RGL1: variants seen among roughly 807,000 people sequenced by gnomAD.
The protein encoded by RGL1 is ral guanine nucleotide dissociation stimulator like 1.
In RGL1, 24 loss-of-function variants were observed where a neutral mutation model predicts 95.2. That is an observed-to-expected ratio of 0.25 (90% CI 0.18 to 0.35). The LOEUF (loss-of-function observed/expected upper bound fraction) is 0.35, where lower values mean the gene tolerates loss of function less well. RGL1 is among the 10% of genes least tolerant of loss of function. The pLI, the probability that RGL1 is intolerant of heterozygous loss-of-function variation, is 1.00. For missense variants in RGL1, 715 were observed against 936.3 expected (o/e 0.76, Z 3.08); for synonymous variants, 329 against 344.9 (o/e 0.95, Z 0.51).
At chr1:183,782,464 C>G (rs574907250) in intron 2 of RGL1, among the ~76,000 whole-genome samples, 3 of 152,284 alleles carry the variant, frequency 2.0e-5, no homozygotes. Flanking sequence ...CAGTTAAATG[C>G]TTCTTCATAA....
intron 2 of RGL1, among the ~76,000 whole-genome samples, chr1:183,761,674 T>C (rs1034813500): frequency 4.6e-5 from 7 of 152,240 alleles, no homozygotes; most frequent in Admixed American, 1.3e-4. Context: ...ACCTCTTCTT[T>C]GAAGCTTTGA....
At position 183,916,671 on chromosome 1, in the gene RGL1, C is replaced by A. The variant is rs1668999364; in HGVS notation, c.1974C>A (p.Asp658Glu). The A allele has an allele frequency of 6.2e-7, 1 of 1,613,404 alleles. No individual in the cohort carries two copies. ...DTCIIRISVE[D>E]NNGNMYKSIM... ...GCATAATCCGCATCAGTGTGGAAGA[C>A]AATAACGGCAACATGTACAAGAGCA... The change falls in exon 16 of 18, where the codon GAC becomes GAA. Residue 658 changes from aspartate to glutamate, a missense_variant. Asp to Glu is a conservative substitution (Grantham distance 45, BLOSUM62 2). Transcript: ENST00000360851.
chr1:183,717,711 T>C (rs1436009172), intron 1 of RGL1, among the ~76,000 whole-genome samples: 1 of 152,218 alleles, frequency 6.6e-6, no homozygotes, highest in African/African-American at 2.4e-5. Flanking sequence ...ATTCCGCCCT[T>C]GTGGCTGATA....
intron 1 of RGL1, chr1:183,648,069 T>C (rs150867206): frequency 1.9e-6 from 3 of 1,614,222 alleles, no homozygotes; most frequent in Non-Finnish European, 2.5e-6. Context: ...ATCAGTGAAG[T>C]AAGGTTTTAC....
At chr1:183,798,754 CTA>C (rs747273933) in intron 2 of RGL1, among the ~76,000 whole-genome samples, 10 of 151,552 alleles carry the variant, frequency 6.6e-5, no homozygotes, top group Non-Finnish European at 1.3e-4. Flanking sequence ...TACTCTGCTT[CTA>C]TGAGTTCGAC....
chr1:183,750,011 C>G (rs569957868), intron 2 of RGL1, among the ~76,000 whole-genome samples: 1 of 152,252 alleles, frequency 6.6e-6, no homozygotes, highest in East Asian at 1.9e-4. Flanking sequence ...TCATTTCAAC[C>G]TTGGTGAATC....
At chr1:183,664,919 T>C (rs1651926370) in intron 1 of RGL1, among the ~76,000 whole-genome samples, 2 of 152,246 alleles carry the variant, frequency 1.3e-5, no homozygotes, top group African/African-American at 2.4e-5. Context: ...CAGTACAATG[T>C]TGAAAAGCAG....
chr1:183,830,765 G>C (rs1461328348), intron 2 of RGL1, among the ~76,000 whole-genome samples: 1 of 152,036 alleles, frequency 6.6e-6, no homozygotes, highest in African/African-American at 2.4e-5. Flanking sequence ...AAAAATCTCA[G>C]AACAGTCATT....
chr1:183,768,895 C>G (rs1659133157), intron 2 of RGL1, among the ~76,000 whole-genome samples: 1 of 152,152 alleles, frequency 6.6e-6, no homozygotes, highest in African/African-American at 2.4e-5. Context: ...AGCAAGAATC[C>G]TGAACTGTCA....
intron 2 of RGL1, among the ~76,000 whole-genome samples, chr1:183,768,457 A>C (rs1160936711): frequency 7.2e-6 from 1 of 139,606 alleles, no homozygotes; most frequent in African/African-American, 2.6e-5. Context: ...TAACCTTTAG[A>C]TAACTTTTTT....
chr1:183,904,997 G>T (rs1177858551), intron 13 of RGL1, 26 bp downstream of exon 13: 4 of 1,601,412 alleles, frequency 2.5e-6, no homozygotes, highest in South Asian at 2.3e-5. Context: ...GTTCATCGGG[G>T]TAGAACTGAA....
intron 9 of RGL1, among the ~76,000 whole-genome samples, chr1:183,893,998 G>A (rs1424646495): frequency 1.3e-5 from 2 of 152,210 alleles, no homozygotes; most frequent in East Asian, 1.9e-4. Flanking sequence ...AGGGCAGTAT[G>A]TGCTGATGTC....
chr1:183,901,129 T>C lies in RGL1; in HGVS notation c.1317+893T>C, dbSNP rs540710331. 9.9e-5 allele frequency among the ~76,000 whole-genome samples: 15 copies of C among 151,902 alleles called. No individual in the cohort carries two copies. The East Asian group carries it at 2.9e-3, about 30-fold the overall frequency. On this transcript the variant is annotated intron_variant, in intron 11 of 17. Transcript: ENST00000360851. ...CCCTGGCCAACATGGTGAAACCCCA[T>C]CTCTACTAAAAACACAAAAATCAGC...
intron 1 of RGL1, chr1:183,646,535 A>G (rs1650306535): frequency 1.3e-5 from 2 of 152,338 alleles, no homozygotes; most frequent in Admixed American, 6.5e-5. Context: ...TGAAATAAGC[A>G]TAAGCAAAGT....
At chr1:183,745,673 C>T (rs566226953) in intron 2 of RGL1, among the ~76,000 whole-genome samples, 3 of 152,106 alleles carry the variant, frequency 2.0e-5, no homozygotes, top group East Asian at 1.9e-4. Context: ...AAAAAAGCCC[C>T]GAGTATCCAG....
At chr1:183,645,077 G>A (rs1042901889) in intron 1 of RGL1, among the ~76,000 whole-genome samples, 5 of 152,124 alleles carry the variant, frequency 3.3e-5, no homozygotes, top group Non-Finnish European at 7.4e-5. Flanking sequence ...GAATCTGATA[G>A]CACTAAACAT....
chr1:183,925,363 T>A (rs1348216000), intron 17 of RGL1, among the ~76,000 whole-genome samples: 3 of 152,102 alleles, frequency 2.0e-5, no homozygotes, highest in Admixed American at 6.6e-5. Flanking sequence ...AGGGAGAGCA[T>A]TAGGACAAAT....
At chr1:183,798,361 A>G (rs913579557) in intron 2 of RGL1, among the ~76,000 whole-genome samples, 8 of 152,090 alleles carry the variant, frequency 5.3e-5, no homozygotes, top group African/African-American at 1.9e-4. Context: ...AACTTTATTG[A>G]GGTATGACTG....
intron 1 of RGL1, among the ~76,000 whole-genome samples, chr1:183,650,682 A>T (rs1650678176): frequency 6.7e-6 from 1 of 149,214 alleles, no homozygotes; most frequent in South Asian, 2.1e-4. Flanking sequence ...TGCATATATT[A>T]TATAATATTT....
Sources: allele counts gnomAD v4.1 joint callset (sites outside exome capture counted in the v4.1 genomes callset), GRCh38; gene constraint gnomAD v4.1.1; transcripts MANE v1.5; gene names NCBI Gene and HGNC (gene_info 2026-07-23, HGNC 2026-07-21).